The following NEGR1 variants were observed in gnomAD, a reference collection of about 807,000 sequenced individuals.
NEGR1 encodes IgLON family member 4.
In NEGR1, 10 loss-of-function variants were observed where a neutral mutation model predicts 40.9. That is an observed-to-expected ratio of 0.24 (90% CI 0.15 to 0.42). The LOEUF (loss-of-function observed/expected upper bound fraction) is 0.42. Among genes scored for constraint, NEGR1 ranks in the 10% least tolerant of loss-of-function variants. The probability of loss-of-function intolerance (pLI) is 1.00; values close to 1 mark genes in which losing one functional copy is unlikely to be tolerated. For synonymous variants in NEGR1, 185 were observed against 166.8 expected (o/e 1.11, Z -0.84); for missense variants, 352 against 438.9 (o/e 0.80, Z 1.77).
chr1:71,723,167 G>T (rs1349663007), intron 3 of NEGR1, among the ~76,000 whole-genome samples: 1 of 151,962 alleles, frequency 6.6e-6, no homozygotes, highest in African/African-American at 2.4e-5. Flanking sequence ...GATTGCTGTT[G>T]TTTTAATCTT....
intron 6 of NEGR1, among the ~76,000 whole-genome samples, chr1:71,507,157 C>T (rs1337874665): frequency 2.0e-5 from 3 of 152,194 alleles, no homozygotes; most frequent in African/African-American, 7.2e-5. Context: ...AAAGAGAACA[C>T]TGTAAAAGCT....
intron 6 of NEGR1, among the ~76,000 whole-genome samples, chr1:71,420,128 A>G (rs1239757781): frequency 6.6e-6 from 1 of 152,124 alleles, no homozygotes; most frequent in Non-Finnish European, 1.5e-5. Context: ...CCCTGCATTA[A>G]TAAATGTTTC....
At chr1:72,024,853 G>T (rs920589052) in intron 1 of NEGR1, among the ~76,000 whole-genome samples, 3 of 152,142 alleles carry the variant, frequency 2.0e-5, no homozygotes, top group Non-Finnish European at 4.4e-5. Context: ...GAACTTGACA[G>T]CTATAAGCTT....
rs190702734 is a variant in NEGR1, at chr1:71,450,844, A to T, written c.941-43274T>A. On this transcript the variant is annotated intron_variant, in intron 6 of 6. Coordinates refer to ENST00000357731, the MANE Select transcript of NEGR1 (RefSeq NM_173808.3). The stretch of plus-strand genomic sequence containing the variant: ...AGAAAAAAAAAAGGAAAACAAGAAA[A>T]TAAGGGTAACTTTTTCTTTTGTTTC... Among the ~76,000 whole-genome samples, 7 of 152,180 alleles carry T rather than the reference A, an allele frequency of 4.6e-5. 1 individual carries two copies. Among genetic ancestry groups the T allele is most frequent in the African/African-American group, 1.7e-4 (7 of 41,560 alleles).
Position 71,405,588 on chromosome 1 carries a change from T to C in NEGR1, c.*1858A>G, listed in dbSNP as rs1251721189. On this transcript the variant is annotated 3_prime_UTR_variant, in exon 7 of 7. Transcript: ENST00000357731. ...GATTTACTAGCTTTATGCCTTATTA[T>C]TGCCATTTTGTGGAAAGAGTATACT... is the stretch of plus-strand genomic sequence containing the variant. The C allele has an allele frequency of 6.6e-6, 1 of 152,172 alleles. No individual in the cohort carries two copies. Among genetic ancestry groups the C allele is most frequent in the East Asian group, 1.9e-4 (1 of 5,182 alleles). The allele number at this position is 152,172 out of a possible 1,614,324, so 9.4% of individuals were successfully genotyped here. A position where few individuals can be genotyped will look rare whatever the true frequency, so the allele number is the denominator to read the frequency against.
intron 1 of NEGR1, among the ~76,000 whole-genome samples, chr1:72,166,581 G>A (rs1393821216): frequency 6.6e-6 from 1 of 152,050 alleles, no homozygotes; most frequent in Non-Finnish European, 1.5e-5. Context: ...TATGCACACT[G>A]GCATACCATT....
At chr1:71,419,361 AT>A (rs1332190037) in intron 6 of NEGR1, among the ~76,000 whole-genome samples, 4 of 152,306 alleles carry the variant, frequency 2.6e-5, no homozygotes, top group South Asian at 2.1e-4. Context: ...CAGAAAATTA[AT>A]TTGGATAAAT....
intron 4 of NEGR1, among the ~76,000 whole-genome samples, chr1:71,650,658 C>A (rs1411260162): frequency 6.6e-6 from 1 of 151,976 alleles, no homozygotes; most frequent in African/African-American, 2.4e-5. Context: ...TTCAAGAAAA[C>A]TTTCTATCCA....
chr1:71,922,286 C>A (rs2101884093), intron 2 of NEGR1, among the ~76,000 whole-genome samples: 1 of 152,268 alleles, frequency 6.6e-6, no homozygotes, highest in South Asian at 2.1e-4. Flanking sequence ...CAATCACTCT[C>A]TTGCCAGTAT....
At chr1:71,474,558 AC>A (rs1481231903) in intron 6 of NEGR1, among the ~76,000 whole-genome samples, 22 of 148,838 alleles carry the variant, frequency 1.5e-4, no homozygotes, top group South Asian at 6.4e-4. Context: ...ACACACACAC[AC>A]AATTAGCCAG....
At chr1:72,076,857 T>C (rs1264336899) in intron 1 of NEGR1, among the ~76,000 whole-genome samples, 1 of 148,174 alleles carries the variant, frequency 6.7e-6, no homozygotes, top group Non-Finnish European at 1.5e-5. Context: ...CAAAAATGAA[T>C]ACAAGAAAAT....
At chr1:71,692,991 TA>T (rs1570217845) in intron 4 of NEGR1, among the ~76,000 whole-genome samples, 1 of 151,928 alleles carries the variant, frequency 6.6e-6, no homozygotes. Flanking sequence ...AAATAATGTC[TA>T]GAGCTCTTTT....
At chr1:71,665,360 G>A (rs1652209171) in intron 4 of NEGR1, among the ~76,000 whole-genome samples, 1 of 152,142 alleles carries the variant, frequency 6.6e-6, no homozygotes, top group Non-Finnish European at 1.5e-5. Flanking sequence ...GAAAATAGAG[G>A]TATATGTTAA....
intron 2 of NEGR1, among the ~76,000 whole-genome samples, chr1:71,914,844 C>T (rs1004757817): frequency 2.0e-5 from 3 of 152,064 alleles, no homozygotes; most frequent in African/African-American, 7.2e-5. Context: ...TTTCCCTTTT[C>T]AGTGTTTCCA....
chr1:72,203,539 T>C (rs1376767386), intron 1 of NEGR1, among the ~76,000 whole-genome samples: 3 of 152,134 alleles, frequency 2.0e-5, no homozygotes, highest in Admixed American at 1.3e-4. Context: ...CTGGTGATGA[T>C]GTGTGAACAT....
chr1:71,507,669 T>C (rs1478242393), intron 6 of NEGR1, among the ~76,000 whole-genome samples: 1 of 152,166 alleles, frequency 6.6e-6, no homozygotes, highest in African/African-American at 2.4e-5. Context: ...CTGCTGGGAA[T>C]GTGGTCAAAA....
chr1:71,567,088 G>T (rs1648645690), intron 6 of NEGR1, among the ~76,000 whole-genome samples: 2 of 152,096 alleles, frequency 1.3e-5, no homozygotes, highest in South Asian at 4.1e-4. Context: ...TAAGATTTCT[G>T]GTTTCTTGCA....
intron 4 of NEGR1, among the ~76,000 whole-genome samples, chr1:71,636,157 T>G (rs1271688216): frequency 6.6e-6 from 1 of 152,072 alleles, no homozygotes; most frequent in African/African-American, 2.4e-5. Flanking sequence ...ACTAAACATT[T>G]TGTTAAAAAT....
chr1:71,799,641 A>C (rs1417671381), intron 2 of NEGR1, among the ~76,000 whole-genome samples: 1 of 152,178 alleles, frequency 6.6e-6, no homozygotes, highest in Non-Finnish European at 1.5e-5. Context: ...CAATGGCTGA[A>C]ATAACTTACA....
Sources: gnomAD v4.1 joint callset for allele counts (sites outside exome capture counted in the v4.1 genomes callset) on GRCh38, gnomAD v4.1.1 for gene constraint, MANE v1.5 for transcripts, NCBI Gene and HGNC (gene_info 2026-07-23, HGNC 2026-07-21) for gene names.